CDH13: variants seen among roughly 807,000 people sequenced by gnomAD.
The protein encoded by CDH13 is cadherin 13, also known as cadherin-13.
A neutral mutation model predicts 63.8 loss-of-function variants in CDH13; 24 were observed. The observed-to-expected ratio is 0.38, with a 90% CI of 0.27 to 0.53. CDH13 has a LOEUF of 0.53. Among genes scored for constraint, CDH13 ranks in the 20% least tolerant of loss-of-function variants. CDH13 has a pLI of 0.85. For synonymous variants in CDH13, 503 were observed against 355.3 expected (o/e 1.42, Z -4.67); for missense variants, 1,049 against 903.1 (o/e 1.16, Z -2.07).
intron 3 of CDH13, among the ~76,000 whole-genome samples, chr16:83,113,609 G>C (rs982036988): frequency 6.6e-6 from 1 of 152,220 alleles, no homozygotes; most frequent in Admixed American, 6.5e-5. Flanking sequence ...GTGATCAGAA[G>C]CTGAGACAGG....
intron 11 of CDH13, among the ~76,000 whole-genome samples, chr16:83,760,791 A>G (rs965790313): frequency 6.6e-6 from 1 of 152,236 alleles, no homozygotes; most frequent in Non-Finnish European, 1.5e-5. Context: ...CAAAAAATGC[A>G]TGGCTGCAGA....
At chr16:83,783,650 T>G (rs1915685934) in intron 13 of CDH13, among the ~76,000 whole-genome samples, 178 bp downstream of exon 13, 1 of 152,224 alleles carries the variant, frequency 6.6e-6, no homozygotes, top group Non-Finnish European at 1.5e-5. Flanking sequence ...CCACTGATGT[T>G]TAAAGGCATC....
At chr16:82,848,211 G>A (rs1484393408) in intron 1 of CDH13, among the ~76,000 whole-genome samples, 2 of 152,212 alleles carry the variant, frequency 1.3e-5, no homozygotes, top group Non-Finnish European at 2.9e-5. Flanking sequence ...AATTAGTCCT[G>A]GAGTTGCAGC....
chr16:83,262,255 A>G (rs1907081331), intron 5 of CDH13, among the ~76,000 whole-genome samples: 2 of 152,122 alleles, frequency 1.3e-5, no homozygotes, highest in South Asian at 4.1e-4. Context: ...CCCAGACCAC[A>G]TGGGGTAATG....
intron 3 of CDH13, among the ~76,000 whole-genome samples, chr16:83,079,526 A>T (rs938109938): frequency 1.3e-5 from 2 of 152,210 alleles, no homozygotes; most frequent in Non-Finnish European, 2.9e-5. Flanking sequence ...TTTCCACCAA[A>T]TGCAAGTAGT....
intron 7 of CDH13, chr16:83,508,399 A>G (rs1323419393): frequency 1.3e-5 from 2 of 154,300 alleles, no homozygotes; most frequent in African/African-American, 2.4e-5. Context: ...GGGTTGGATC[A>G]TAGAGCAGTG....
chr16:82,699,679 C>G (rs1161698443), intron 1 of CDH13, among the ~76,000 whole-genome samples: 3 of 152,168 alleles, frequency 2.0e-5, no homozygotes, highest in African/African-American at 4.8e-5. Flanking sequence ...ATTTTGCATC[C>G]TTACACTTAA....
At chr16:83,310,547 C>T (rs2089976840) in intron 5 of CDH13, among the ~76,000 whole-genome samples, 1 of 152,206 alleles carries the variant, frequency 6.6e-6, no homozygotes, top group South Asian at 2.1e-4. Flanking sequence ...AAACCATCAC[C>T]TCCTCTTCCA....
rs148452294 is a variant in CDH13, at chr16:82,760,263, G to A, written c.46-98099G>A. Among the ~76,000 whole-genome samples the A allele has an allele frequency of 3.3e-5, 5 of 152,194 alleles. No homozygotes were observed. In the East Asian group the frequency reaches 5.8e-4, roughly 18 times the overall value. ...GTAGAAGGAACATAGTACCGCCCCC[G>A]CAAAAATGCAATTAGCCTGTTATCA... On this transcript the variant is annotated intron_variant, in intron 1 of 13. Transcript: ENST00000567109.
intron 6 of CDH13, among the ~76,000 whole-genome samples, chr16:83,425,524 A>G (rs377274600): frequency 1.3e-5 from 2 of 152,200 alleles, no homozygotes; most frequent in South Asian, 2.1e-4. Context: ...CATCTCCACC[A>G]TAACTCCCCT....
At chr16:83,579,871 T>G (rs1034976626) in intron 7 of CDH13, among the ~76,000 whole-genome samples, 10 of 151,778 alleles carry the variant, frequency 6.6e-5, no homozygotes, top group Non-Finnish European at 1.5e-4. Flanking sequence ...AGGGACAAAT[T>G]AGGGCAGGCT....
intron 4 of CDH13, among the ~76,000 whole-genome samples, chr16:83,152,447 G>A (rs929010647): frequency 2.6e-5 from 4 of 152,174 alleles, no homozygotes; most frequent in Admixed American, 6.5e-5. Flanking sequence ...AAAAAATCGT[G>A]TGTATTCACC....
chr16:82,700,428 T>A (rs965376186), intron 1 of CDH13, among the ~76,000 whole-genome samples: 1 of 152,186 alleles, frequency 6.6e-6, no homozygotes, highest in Non-Finnish European at 1.5e-5. Flanking sequence ...ACCGTGTATG[T>A]GTATAATGTA....
intron 1 of CDH13, among the ~76,000 whole-genome samples, chr16:82,808,517 C>T (rs190005641): frequency 7.2e-5 from 11 of 152,216 alleles, no homozygotes; most frequent in East Asian, 1.9e-4. Context: ...AAACAGAGCT[C>T]GTGAACACAC....
intron 5 of CDH13, among the ~76,000 whole-genome samples, chr16:83,299,430 C>A (rs1348931717): frequency 6.6e-6 from 1 of 152,196 alleles, no homozygotes; most frequent in African/African-American, 2.4e-5. Context: ...CACATACACT[C>A]TTGCTATCCT....
At chr16:83,203,530 C>G (rs920538726) in intron 4 of CDH13, among the ~76,000 whole-genome samples, 7 of 150,400 alleles carry the variant, frequency 4.7e-5, no homozygotes, top group African/African-American at 1.7e-4. Context: ...ACTAAAAATA[C>G]AAAAAAATTA....
intron 11 of CDH13, 25 bp from the exon 12 acceptor site, chr16:83,779,943 C>A (rs369251375): frequency 6.5e-7 from 1 of 1,543,644 alleles, no homozygotes; most frequent in East Asian, 2.3e-5. Context: ...CAGTTGCATA[C>A]CAACATCTTC....
At chr16:83,457,125 G>A (rs561090528) in intron 6 of CDH13, among the ~76,000 whole-genome samples, 8 of 152,236 alleles carry the variant, frequency 5.3e-5, no homozygotes, top group East Asian at 1.9e-4. Flanking sequence ...CCTGGGCACC[G>A]GCCCAAGCTC....
chr16:83,258,391 T>G (rs1906545590), intron 5 of CDH13, among the ~76,000 whole-genome samples: 1 of 152,202 alleles, frequency 6.6e-6, no homozygotes, highest in South Asian at 2.1e-4. Flanking sequence ...CAATAAAAAT[T>G]AGACTCAAAG....
Sources: allele counts gnomAD v4.1 joint callset (sites outside exome capture counted in the v4.1 genomes callset), GRCh38; gene constraint gnomAD v4.1.1; transcripts MANE v1.5; gene names NCBI Gene and HGNC (gene_info 2026-07-23, HGNC 2026-07-21).